The following TANK variants were observed in gnomAD, a reference collection of about 807,000 sequenced individuals.
TANK encodes TRAF family member-associated NF-kappa-B activator.
Under a neutral mutation model 43.6 loss-of-function variants are expected in TANK, and 15 were observed. The ratio of observed to expected loss-of-function variants is 0.34; its 90% CI spans 0.23 to 0.53. The LOEUF (loss-of-function observed/expected upper bound fraction) is 0.53, where lower values mean the gene tolerates loss of function less well. Ranked by LOEUF, TANK falls within the 20% of genes least tolerant of loss-of-function variation. TANK has a pLI of 0.94. For missense variants in TANK, 417 were observed against 498.6 expected (o/e 0.84, Z 1.56); for synonymous variants, 162 against 178.2 (o/e 0.91, Z 0.73).
intron 4 of TANK, 95 bp downstream of exon 4, chr2:161,204,888 A>C: frequency 6.5e-7 from 1 of 1,538,404 alleles, no homozygotes; most frequent in African/African-American, 1.4e-5. Flanking sequence ...TGGAATTCCA[A>C]ACAGAAGTTC....
chr2:161,190,595 T>C (rs1011266252), intron 2 of TANK, among the ~76,000 whole-genome samples: 1 of 152,156 alleles, frequency 6.6e-6, no homozygotes, highest in African/African-American at 2.4e-5. Context: ...TAAGGTGGTA[T>C]ATACACACAA....
intron 1 of TANK, among the ~76,000 whole-genome samples, chr2:161,164,333 G>A (rs1450589379): frequency 1.3e-5 from 2 of 152,094 alleles, no homozygotes; most frequent in Non-Finnish European, 2.9e-5. Flanking sequence ...GTTCAGTTAC[G>A]TAAAGCCTAG....
At chr2:161,138,314 T>G (rs1307289520) in intron 1 of TANK, among the ~76,000 whole-genome samples, 1 of 152,182 alleles carries the variant, frequency 6.6e-6, no homozygotes, top group Non-Finnish European at 1.5e-5. Context: ...TTCAAGCTTG[T>G]AAGTGGCAGA....
chr2:161,141,748 G>A (rs1162930462), intron 1 of TANK, among the ~76,000 whole-genome samples: 1 of 152,078 alleles, frequency 6.6e-6, no homozygotes, highest in African/African-American at 2.4e-5. Flanking sequence ...CATTTGGATT[G>A]GTTCCATGTC....
intron 2 of TANK, among the ~76,000 whole-genome samples, chr2:161,196,931 T>A (rs1558989655): frequency 6.6e-6 from 1 of 152,204 alleles, no homozygotes; most frequent in Non-Finnish European, 1.5e-5. Context: ...TTTTGGTACA[T>A]AGTATTAAAT....
At chr2:161,207,623 T>C in intron 4 of TANK, 1 of 985,390 alleles carries the variant, frequency 1.0e-6, no homozygotes, top group Non-Finnish European at 1.2e-6. Context: ...ATTAGGCCTA[T>C]GTTAGAAAAA....
chr2:161,153,976 T>C (rs1013698547), intron 1 of TANK, among the ~76,000 whole-genome samples: 37 of 152,192 alleles, frequency 2.4e-4, no homozygotes, highest in African/African-American at 8.0e-4. Context: ...CAGCTGTAGT[T>C]TGCCTTCGTG....
At chr2:161,216,337 T>C (rs928518382) in intron 4 of TANK, 2 of 459,128 alleles carry the variant, frequency 4.4e-6, no homozygotes, top group Non-Finnish European at 8.9e-6. Flanking sequence ...TCCTTCTTGC[T>C]TCTGCTAATT....
intron 4 of TANK, chr2:161,212,786 C>T (rs1686949204): frequency 1.0e-6 from 1 of 984,816 alleles, no homozygotes; most frequent in Non-Finnish European, 1.2e-6. Context: ...AAAGGCTGTT[C>T]TCTAAACCTT....
At chr2:161,218,775 A>G (rs1285800384) in intron 4 of TANK, among the ~76,000 whole-genome samples, 1 of 152,186 alleles carries the variant, frequency 6.6e-6, no homozygotes, top group African/African-American at 2.4e-5. Context: ...GTGGCATAAC[A>G]CTAAATTTGT....
chr2:161,207,613 A>G, intron 4 of TANK: 1 of 985,452 alleles, frequency 1.0e-6, no homozygotes, highest in African/African-American at 1.7e-5. Flanking sequence ...AGTGTAAAAA[A>G]TTAGGCCTAT....
In TANK at chr2:161,146,949, G is replaced by A. The variant is rs866812133; in HGVS notation, c.-50+9886G>A. On this transcript the variant is annotated intron_variant, in intron 1 of 7. Transcript: ENST00000259075. The stretch of plus-strand genomic sequence containing the variant: ...GAAAGACTAAGTCTGCTGGTCCATG[G>A]AGACCGCAGCACCCCTCCCCCTAGG... Among the ~76,000 whole-genome samples the A allele has an allele frequency of 1.7e-4, 26 of 152,254 alleles. 1 individual carries two copies. Among genetic ancestry groups the A allele is most frequent in the Middle Eastern group, 6.8e-3 (2 of 294 alleles).
chr2:161,161,079 G>T (rs542541906), intron 1 of TANK: 34 of 847,768 alleles, frequency 4.0e-5, no homozygotes, highest in Non-Finnish European at 5.4e-5. Flanking sequence ...AGCCAACCCC[G>T]CCCACAGTGG....
chr2:161,187,410 CAG>C (rs1685714069), intron 2 of TANK, among the ~76,000 whole-genome samples: 1 of 152,200 alleles, frequency 6.6e-6, no homozygotes, highest in South Asian at 2.1e-4. Context: ...GCCTAGATGA[CAG>C]AGCAAGAGCC....
chr2:161,147,292 C>T (rs534187577), intron 1 of TANK, among the ~76,000 whole-genome samples: 1 of 152,304 alleles, frequency 6.6e-6, no homozygotes, highest in South Asian at 2.1e-4. Context: ...ACCATCTCTC[C>T]CCCCAAGGAG....
chr2:161,158,497 A>C (rs1281126988), upstream of TANK, among the ~76,000 whole-genome samples: 1 of 152,246 alleles, frequency 6.6e-6, no homozygotes, highest in Non-Finnish European at 1.5e-5. Flanking sequence ...TCAAGACTAC[A>C]ACATCATGGA....
At chr2:161,147,737 C>T (rs1306312738) in intron 1 of TANK, among the ~76,000 whole-genome samples, 1 of 149,692 alleles carries the variant, frequency 6.7e-6, no homozygotes, top group East Asian at 1.9e-4. Flanking sequence ...CCTCCAATCG[C>T]TGCTCCTTCT....
intron 1 of TANK, among the ~76,000 whole-genome samples, chr2:161,176,961 A>G (rs1187977318): frequency 6.6e-6 from 1 of 152,168 alleles, no homozygotes; most frequent in Admixed American, 6.6e-5. Context: ...CCCTGTGACT[A>G]CCTATACTTA....
At chr2:161,218,721 T>C (rs946247363) in intron 4 of TANK, among the ~76,000 whole-genome samples, 1 of 152,222 alleles carries the variant, frequency 6.6e-6, no homozygotes, top group Non-Finnish European at 1.5e-5. Context: ...ATTGCTTAAA[T>C]AATAGCTATT....
Sources: allele counts gnomAD v4.1 joint callset (sites outside exome capture counted in the v4.1 genomes callset), GRCh38; gene constraint gnomAD v4.1.1; transcripts MANE v1.5; gene names NCBI Gene and HGNC (gene_info 2026-07-23, HGNC 2026-07-21).